Variants in BCLAF3 observed in about 807,000 individuals in gnomAD.
BCLAF3 encodes BCLAF1 and THRAP3 family member 3, also known as transient octamer binding factor 1.
Under a neutral mutation model 51.2 loss-of-function variants are expected in BCLAF3, and 24 were observed. That is an observed-to-expected ratio of 0.47 (90% CI 0.34 to 0.66). BCLAF3 has a LOEUF of 0.66. Ranked by LOEUF, BCLAF3 falls within the 30% of genes least tolerant of loss-of-function variation. The pLI is 0.01. For missense variants in BCLAF3, 465 were observed against 525.1 expected (o/e 0.89, Z 1.12); for synonymous variants, 152 against 176.6 (o/e 0.86, Z 1.10).
chrX:19,960,738 G>A (rs1045796690), intron 4 of BCLAF3, among the ~76,000 whole-genome samples: 4 of 111,168 alleles, frequency 3.6e-5, no homozygotes, highest in African/African-American at 9.8e-5. Flanking sequence ...CCCTGCCTGC[G>A]TGATACCCAT....
chrX:19,938,075 G>A (rs2070843381), intron 8 of BCLAF3, among the ~76,000 whole-genome samples: 1 of 111,298 alleles, frequency 9.0e-6, no homozygotes, highest in Non-Finnish European at 1.9e-5. Context: ...GTCATCATGA[G>A]GTACTGAGGC....
At chrX:19,975,585 C>A (rs1256193972) in intron 1 of BCLAF3, among the ~76,000 whole-genome samples, 1 of 111,887 alleles carries the variant, frequency 8.9e-6, no homozygotes, top group Non-Finnish European at 1.9e-5. Context: ...CTCAAATGAT[C>A]TGCCCGCCTC....
In BCLAF3 at chrX:19,972,513, A is replaced by G. The variant is rs142299615; in HGVS notation, c.-34-2215T>C. On this transcript the variant is annotated intron_variant, in intron 1 of 11. Coordinates refer to ENST00000379682, the MANE Select transcript of BCLAF3 (RefSeq NM_001367774.2). ...ACATATTTATTGATATTGAATTCACATGCCATATAATTTACCCATTTAAAG... is the reference window on the plus strand; with the variant it reads ...ACATATTTATTGATATTGAATTCACGTGCCATATAATTTACCCATTTAAAG... Among the ~76,000 whole-genome samples the G allele has an allele frequency of 8.6e-3, 969 of 112,141 alleles. 13 individuals are homozygous for G. The highest frequency in any genetic ancestry group is 0.03 in the African/African-American group (925 of 30,864).
chrX:19,934,878 C>G (rs1158425245), intron 10 of BCLAF3, among the ~76,000 whole-genome samples: 1 of 111,811 alleles, frequency 8.9e-6, no homozygotes, highest in African/African-American at 3.3e-5. Flanking sequence ...CTTTTGTGAG[C>G]AAGGAGACAG....
intron 8 of BCLAF3, among the ~76,000 whole-genome samples, chrX:19,948,594 C>T (rs1053725774): frequency 1.8e-4 from 19 of 108,140 alleles, no homozygotes; most frequent in East Asian, 5.8e-4. Flanking sequence ...GGTGAAACCC[C>T]GTCTCTACAA....
intron 8 of BCLAF3, among the ~76,000 whole-genome samples, chrX:19,940,405 C>G (rs1413983429): frequency 7.3e-5 from 8 of 110,338 alleles, no homozygotes; most frequent in Non-Finnish European, 1.3e-4. Context: ...TTAGGTATAT[C>G]TCCCAATGCT....
chrX:19,955,663 A>G, intron 4 of BCLAF3, 97 bp from the exon 5 acceptor site: 1 of 719,203 alleles, frequency 1.4e-6, no homozygotes, highest in East Asian at 3.7e-5. Context: ...AGAAAGATGT[A>G]TATCTTTTCT....
At chrX:19,957,558 T>C (rs2071709298) in intron 4 of BCLAF3, among the ~76,000 whole-genome samples, 2 of 112,074 alleles carry the variant, frequency 1.8e-5, no homozygotes, top group African/African-American at 6.5e-5. Flanking sequence ...TGTTCAGTTT[T>C]CCAATGAGTA....
At chrX:19,946,654 C>T (rs768364294) in intron 8 of BCLAF3, among the ~76,000 whole-genome samples, 1 of 111,906 alleles carries the variant, frequency 8.9e-6, no homozygotes, top group Non-Finnish European at 1.9e-5. Flanking sequence ...TCTTCACGTC[C>T]TTCAGTTCTT....
In BCLAF3 at chrX:19,935,859, GTTTGTGAGTAA is replaced by G. The variant is rs1284491069; in HGVS notation, c.1889_1899del (p.Ile630ThrfsTer3). 8.3e-7 allele frequency: 1 copy of G among 1,209,967 alleles called. No individual in the cohort carries two copies. Among genetic ancestry groups the G allele is most frequent in the Admixed American group, 2.2e-5 (1 of 45,946 alleles). Reference sequence around the variant, plus strand: ...CGGTGGTTTCCCTCAACCTCAAATGGTTTGTGAGTAATTATGTCTTTTCTCTGCGTAGTATA... The same window carrying G: ...CGGTGGTTTCCCTCAACCTCAAATGGTTATGTCTTTTCTCTGCGTAGTATA... On this transcript the variant is annotated frameshift_variant, in exon 10 of 12. Coordinates refer to ENST00000379682, the MANE Select transcript of BCLAF3 (RefSeq NM_001367774.2). LOFTEE classifies it high-confidence loss of function.
intron 10 of BCLAF3, among the ~76,000 whole-genome samples, chrX:19,932,821 CAT>C (rs2070618588): frequency 1.8e-5 from 2 of 111,570 alleles, no homozygotes; most frequent in African/African-American, 6.5e-5. Flanking sequence ...CGTGAGCCAC[CAT>C]GCCTGGCCGG....
chrX:19,961,044 A>G (rs1273545344), intron 4 of BCLAF3, among the ~76,000 whole-genome samples: 1 of 110,030 alleles, frequency 9.1e-6, no homozygotes, highest in Non-Finnish European at 1.9e-5. Flanking sequence ...TATTAGTACC[A>G]CCTCCTCCCT....
At position 19,965,680 on chromosome X, in the gene BCLAF3, T is replaced by C. The variant is rs781424429; in HGVS notation, c.638A>G (p.Lys213Arg). 8 of 1,135,008 alleles carry C rather than the reference T, an allele frequency of 7.0e-6. No homozygotes were observed. Among genetic ancestry groups the C allele is most frequent in the Non-Finnish European group, 9.3e-6 (8 of 861,410 alleles). 93.5% of individuals were successfully genotyped at this position (1,135,008 alleles called of 1,213,427 possible). A position where few individuals can be genotyped will look rare whatever the true frequency, so the allele number is the denominator to read the frequency against. ...KRYPEDRDFR[K>R]YGHTSKRPKD... ...AGGTCTTTTTGATGTGTGTCCATATTTTCTGAAATCACGATCCTCAGGATA... is the reference window on the plus strand; with the variant it reads ...AGGTCTTTTTGATGTGTGTCCATATCTTCTGAAATCACGATCCTCAGGATA... Residue 213 changes from lysine to arginine, a missense_variant, in exon 4 of 12, where the codon AAA (lysine) becomes AGA (arginine). Lys to Arg is a conservative substitution (Grantham distance 26). Coordinates refer to ENST00000379682, the MANE Select transcript of BCLAF3 (RefSeq NM_001367774.2).
intron 4 of BCLAF3, among the ~76,000 whole-genome samples, chrX:19,957,545 A>G (rs181089268): frequency 2.7e-5 from 3 of 112,169 alleles, no homozygotes; most frequent in African/African-American, 6.5e-5. Context: ...AAGCTGATAA[A>G]GATGTTCAGT....
At chrX:19,919,501 C>G (rs778758391) in intron 11 of BCLAF3, among the ~76,000 whole-genome samples, 10 of 98,762 alleles carry the variant, frequency 1.0e-4, no homozygotes, top group East Asian at 6.7e-4. Flanking sequence ...GAGCTGAGAT[C>G]GTGCCATTGC....
chrX:19,933,150 T>TGTAAG (rs1240379762), intron 10 of BCLAF3, among the ~76,000 whole-genome samples: 2 of 112,096 alleles, frequency 1.8e-5, no homozygotes, highest in East Asian at 5.5e-4. Context: ...AAGAACTGGC[T>TGTAAG]GTAGCAAGAC....
At chrX:19,966,895 A>T (rs1370819293) in intron 2 of BCLAF3, among the ~76,000 whole-genome samples, 4 of 111,432 alleles carry the variant, frequency 3.6e-5, no homozygotes, top group African/African-American at 1.3e-4. Flanking sequence ...AAATGAGCTG[A>T]GCACACCTGT....
intron 11 of BCLAF3, among the ~76,000 whole-genome samples, chrX:19,918,530 C>T (rs748772984): frequency 2.0e-5 from 2 of 101,026 alleles, no homozygotes; most frequent in East Asian, 6.0e-4. Context: ...CCCCCCAACC[C>T]GGCCTTTTTT....
chrX:19,946,768 G>C (rs1033457263), intron 8 of BCLAF3, among the ~76,000 whole-genome samples: 1 of 111,685 alleles, frequency 9.0e-6, no homozygotes. Flanking sequence ...GCATGCTGAA[G>C]GTCTTTGCTT....
Sources: allele counts gnomAD v4.1 joint callset (sites outside exome capture counted in the v4.1 genomes callset), GRCh38; gene constraint gnomAD v4.1.1; transcripts MANE v1.5; gene names NCBI Gene and HGNC (gene_info 2026-07-23, HGNC 2026-07-21).